Variants in HPCAL4 observed in about 807,000 individuals in gnomAD.
HPCAL4 encodes the protein hippocalcin like 4.
In HPCAL4, 16 loss-of-function variants were observed where a neutral mutation model predicts 18.2. The ratio of observed to expected loss-of-function variants is 0.88; its 90% confidence interval spans 0.59 to 1.33. The LOEUF is 1.33. Ranked by LOEUF, HPCAL4 falls within the 40% of genes most tolerant of loss-of-function variation. The probability of loss-of-function intolerance (pLI) is 0.00; values close to 1 mark genes in which losing one functional copy is unlikely to be tolerated. For missense variants in HPCAL4, 214 were observed against 256.6 expected (o/e 0.83, Z 1.14); for synonymous variants, 80 against 97.5 (o/e 0.82, Z 1.06).
Position 39,684,491 on chromosome 1 carries a change from C to A in HPCAL4, c.113G>T (p.Cys38Phe). 6.2e-7 allele frequency: 1 copy of A among 1,613,422 alleles called. No homozygotes were observed. The change falls in exon 2 of 4, where the codon TGC becomes TTC. Residue 38 changes from cysteine to phenylalanine, a missense_variant. Transcript: ENST00000372844. ...CTCCAGGTTGAGGATGCCGCTGGGG[C>A]AGTCCTTCAGGAAGCCCTTGTACCA... is the stretch of plus-strand genomic sequence containing the variant. ...KQWYKGFLKD[C>F]PSGILNLEEF...
In HPCAL4 at chr1:39,682,297, G is replaced by A; in HGVS notation, c.*239C>T. The stretch of plus-strand genomic sequence containing the variant: ...ACTCCCCTATGCCCAATGGACATTG[G>A]TTCTGGCCAAGTGGGAGGTGGGGCT... On this transcript the variant is annotated 3_prime_UTR_variant, in exon 4 of 4. Coordinates refer to ENST00000372844, the MANE Select transcript of HPCAL4 (RefSeq NM_016257.4). 1.8e-6 allele frequency: 1 copy of A among 544,176 alleles called. No individual in the cohort carries two copies. Among genetic ancestry groups the A allele is most frequent in the Non-Finnish European group, 3.3e-6 (1 of 301,584 alleles). 33.7% of individuals were successfully genotyped at this position (544,176 alleles called of 1,614,324 possible).
At chr1:39,686,413 A>C (rs1646675843) in intron 1 of HPCAL4, among the ~76,000 whole-genome samples, 1 of 152,170 alleles carries the variant, frequency 6.6e-6, no homozygotes, top group Non-Finnish European at 1.5e-5. Context: ...TGGTGGGGGC[A>C]GGTAGGTAGA....
At position 39,684,161 on chromosome 1, in the gene HPCAL4, G is replaced by T. The variant is rs772287350; in HGVS notation, c.163-9C>A. 1.9e-6 allele frequency: 3 copies of T among 1,606,510 alleles called. No individual in the cohort carries two copies. Among genetic ancestry groups the T allele is most frequent in the Non-Finnish European group, 2.6e-6 (3 of 1,175,792 alleles). ...TCGCCGTAGGGGAAGAACTGAGGGG[G>T]GTGCGGTGGGTTGGGGCGCAGCGAC... On this transcript the variant is annotated splice_polypyrimidine_tract_variant and intron_variant, in intron 2 of 3. Coordinates refer to ENST00000372844, the MANE Select transcript of HPCAL4 (RefSeq NM_016257.4).
At chr1:39,685,695 C>A (rs12026733) in intron 1 of HPCAL4, among the ~76,000 whole-genome samples, 1 of 151,896 alleles carries the variant, frequency 6.6e-6, no homozygotes, top group Non-Finnish European at 1.5e-5. Context: ...CTGGCTAACA[C>A]GGTGAAACCC....
chr1:39,681,279 G>A lies in HPCAL4; in HGVS notation c.*1257C>T, dbSNP rs918180410. ...TTTCGTCCATAAATTATGTCTGGGT[G>A]CCTAAACAGTGGCCAGGTGAGCCTT... is the stretch of plus-strand genomic sequence containing the variant. On this transcript the variant is annotated 3_prime_UTR_variant, in exon 4 of 4. Coordinates refer to ENST00000372844, the MANE Select transcript of HPCAL4 (RefSeq NM_016257.4). 2.6e-5 allele frequency: 4 copies of A among 152,222 alleles called. No homozygotes were observed. The highest frequency in any genetic ancestry group is 9.7e-5 in the African/African-American group (4 of 41,448). The allele number at this position is 152,222 out of a possible 1,614,324, so 9.4% of individuals were successfully genotyped here.
Position 39,684,165 on chromosome 1 carries a change from C to T in HPCAL4, c.163-13G>A, listed in dbSNP as rs1243402060. The T allele has an allele frequency of 1.3e-5, 20 of 1,588,614 alleles. No individual in the cohort carries two copies. The highest frequency in any genetic ancestry group is 1.6e-5 in the Non-Finnish European group (18 of 1,159,346). On this transcript the variant is annotated splice_polypyrimidine_tract_variant and intron_variant, in intron 2 of 3. Transcript: ENST00000372844. Reference sequence around the variant, plus strand: ...CGTAGGGGAAGAACTGAGGGGGGTGCGGTGGGTTGGGGCGCAGCGACAGCC... The same window carrying T: ...CGTAGGGGAAGAACTGAGGGGGGTGTGGTGGGTTGGGGCGCAGCGACAGCC...
intron 3 of HPCAL4, 136 bp from the exon 4 acceptor site, chr1:39,682,869 T>C (rs1374462814): frequency 3.1e-6 from 2 of 640,246 alleles, no homozygotes; most frequent in Non-Finnish European, 5.5e-6. Flanking sequence ...TCATTAAGAC[T>C]GGATATTTAA....
intron 1 of HPCAL4, among the ~76,000 whole-genome samples, chr1:39,689,640 A>G (rs1350414012): frequency 1.3e-5 from 2 of 152,192 alleles, no homozygotes; most frequent in Non-Finnish European, 2.9e-5. Context: ...TCCTCCAGCT[A>G]TGAAGGAGCT....
chr1:39,689,892 C>A (rs1237368541), intron 1 of HPCAL4, among the ~76,000 whole-genome samples: 1 of 152,220 alleles, frequency 6.6e-6, no homozygotes, highest in Non-Finnish European at 1.5e-5. Flanking sequence ...CTTTGCTCTT[C>A]CCCAAGCAGC....
chr1:39,684,654 C>T (rs773697069), intron 1 of HPCAL4, 43 bp from the exon 2 acceptor site: 2 of 1,492,092 alleles, frequency 1.3e-6, no homozygotes, highest in Non-Finnish European at 8.9e-7. Context: ...CAGGGAAAGG[C>T]CCTGCCTCAG....
At position 39,682,682 on chromosome 1, in the gene HPCAL4, C is replaced by A. The variant is rs532685057; in HGVS notation, c.430G>T (p.Gly144Trp). ...TCCACACGCTGCTGGGGCGTGAGCCCGTCCTGGTTCATGCGCATCATGATC... is the reference window on the plus strand; with the variant it reads ...TCCACACGCTGCTGGGGCGTGAGCCAGTCCTGGTTCATGCGCATCATGATC... ...TVIMMRMNQD[G>W]LTPQQRVDKI... The change falls in exon 4 of 4, where the codon GGG becomes TGG. Residue 144 changes from glycine to tryptophan, a missense_variant. Gly to Trp is a radical substitution (Grantham distance 184). Coordinates refer to ENST00000372844, the MANE Select transcript of HPCAL4 (RefSeq NM_016257.4). 1.9e-6 allele frequency: 3 copies of A among 1,614,052 alleles called. No homozygotes were observed. The highest frequency in any genetic ancestry group is 2.5e-6 in the Non-Finnish European group (3 of 1,180,040).
chr1:39,690,522 C>T (rs987961737), intron 1 of HPCAL4, among the ~76,000 whole-genome samples: 2 of 152,036 alleles, frequency 1.3e-5, no homozygotes, highest in Non-Finnish European at 2.9e-5. Flanking sequence ...GGATTTGGTG[C>T]CTGGCTGTGA....
At position 39,684,045 on chromosome 1, in the gene HPCAL4, C is replaced by A. The variant is rs1646650710; in HGVS notation, c.270G>T (p.Ser90=). 6.2e-7 allele frequency: 1 copy of A among 1,614,000 alleles called. No homozygotes were observed. Among genetic ancestry groups the A allele is most frequent in the Non-Finnish European group, 8.5e-7 (1 of 1,179,902 alleles). ...IDFREFICAL[S]VTSRGSFEQK... ...GCTCGAAGCTGCCGCGGGAGGTGAC[C>A]GACAGGGCGCAGATGAACTCCCGGA... Residue 90 remains serine, a synonymous_variant, in exon 3 of 4, where the codon TCG becomes TCT. Coordinates refer to ENST00000372844, the MANE Select transcript of HPCAL4 (RefSeq NM_016257.4).
intron 3 of HPCAL4, among the ~76,000 whole-genome samples, chr1:39,682,957 TA>T (rs1646639901): frequency 6.6e-6 from 1 of 152,068 alleles, no homozygotes; most frequent in South Asian, 2.1e-4. Context: ...GATCTCGGCT[TA>T]CTGCAACCTC....
At chr1:39,689,842 C>T (rs1195058744) in intron 1 of HPCAL4, among the ~76,000 whole-genome samples, 1 of 146,798 alleles carries the variant, frequency 6.8e-6, no homozygotes, top group East Asian at 1.9e-4. Context: ...GTGACAATAG[C>T]TCCCTGGTCA....
At chr1:39,684,699 G>A (rs1570474954) in intron 1 of HPCAL4, 88 bp from the exon 2 acceptor site, 6 of 1,149,332 alleles carry the variant, frequency 5.2e-6, no homozygotes, top group Non-Finnish European at 7.1e-6. Flanking sequence ...CACACAGGGC[G>A]GGGTTGCAGG....
In HPCAL4 at chr1:39,684,488, G is replaced by A. The variant is rs768934773; in HGVS notation, c.116C>T (p.Pro39Leu). The A allele has an allele frequency of 1.2e-5, 19 of 1,613,218 alleles. No homozygotes were observed. Among genetic ancestry groups the A allele is most frequent in the Non-Finnish European group, 1.6e-5 (19 of 1,179,644 alleles). Residue 39 changes from proline (P) to leucine (L), a missense_variant, in exon 2 of 4, where the codon CCC (proline) becomes CTC (leucine). Coordinates refer to ENST00000372844, the MANE Select transcript of HPCAL4 (RefSeq NM_016257.4). ...CTCCTCCAGGTTGAGGATGCCGCTG[G>A]GGCAGTCCTTCAGGAAGCCCTTGTA... ...QWYKGFLKDCPSGILNLEEFQ... is the reference protein window; with the variant it reads ...QWYKGFLKDCLSGILNLEEFQ...
rs1646716582 is a variant in HPCAL4, at chr1:39,691,345, C to A, written c.-48G>T. ...CGGGTCGCTGGATGGCTCCGAGCCTCGGCGGGCCGCGGGAACCGAGGCTGG... is the reference window on the plus strand; with the variant it reads ...CGGGTCGCTGGATGGCTCCGAGCCTAGGCGGGCCGCGGGAACCGAGGCTGG... On this transcript the variant is annotated 5_prime_UTR_variant, in exon 1 of 4. Coordinates refer to ENST00000372844, the MANE Select transcript of HPCAL4 (RefSeq NM_016257.4). 1.3e-5 allele frequency: 2 copies of A among 152,242 alleles called. No homozygotes were observed. Among genetic ancestry groups the A allele is most frequent in the South Asian group, 2.1e-4 (1 of 4,834 alleles). The allele number at this position is 152,242 out of a possible 1,614,324, so 9.4% of individuals were successfully genotyped here.
At chr1:39,686,914 G>A (rs937007795) in intron 1 of HPCAL4, among the ~76,000 whole-genome samples, 4 of 151,982 alleles carry the variant, frequency 2.6e-5, no homozygotes, top group African/African-American at 9.7e-5. Flanking sequence ...TCTGGAAAAG[G>A]AAGCCCTTGG....
Sources: allele counts gnomAD v4.1 joint callset (sites outside exome capture counted in the v4.1 genomes callset), GRCh38; gene constraint gnomAD v4.1.1; transcripts MANE v1.5; gene names NCBI Gene and HGNC (gene_info 2026-07-23, HGNC 2026-07-21).